Variants in UBE3D observed in about 807,000 individuals in gnomAD.
The protein encoded by UBE3D is ubiquitin protein ligase E3D.
A neutral mutation model predicts 49.6 loss-of-function variants in UBE3D; 48 were observed. The ratio of observed to expected loss-of-function variants is 0.97; its 90% CI spans 0.77 to 1.23. The LOEUF is 1.23. Ranked by LOEUF, UBE3D falls within the 50% of genes most tolerant of loss-of-function variation. The pLI is 0.00. For missense variants in UBE3D, 452 were observed against 468.4 expected (o/e 0.96, Z 0.32); for synonymous variants, 189 against 174.2 (o/e 1.08, Z -0.67).
chr6:83,019,324 T>C (rs1273016434), intron 7 of UBE3D, among the ~76,000 whole-genome samples, 188 bp from the exon 8 acceptor site: 7 of 130,134 alleles, frequency 5.4e-5, no homozygotes, highest in Non-Finnish European at 1.0e-4. Context: ...GACATAAAGT[T>C]AAAAAAAAAA....
Position 82,957,392 on chromosome 6 carries a change from T to A in UBE3D, c.1069A>T (p.Thr357Ser). 1 of 1,614,102 alleles carries A rather than the reference T, an allele frequency of 6.2e-7. No individual in the cohort carries two copies. The highest frequency in any genetic ancestry group is 8.5e-7 in the Non-Finnish European group (1 of 1,180,006). ...AATATCAACAGCAGCTCCAAGCAGG[T>A]TGCAGAGGGCAGGGTTAGCGGGTGG... ...SVHPLTLPSA[T>S]CLELLLILSK... Residue 357 changes from threonine to serine, a missense_variant, in exon 9 of 10, where the codon ACC becomes TCC. Physicochemically the swap from Thr to Ser is moderately conservative, Grantham distance 58. Coordinates refer to ENST00000369747, the MANE Select transcript of UBE3D (RefSeq NM_198920.3).
intron 9 of UBE3D, among the ~76,000 whole-genome samples, chr6:82,923,738 G>GGAA (rs1481295855): frequency 6.6e-6 from 1 of 151,926 alleles, no homozygotes; most frequent in Non-Finnish European, 1.5e-5. Context: ...AAATAAAAGA[G>GGAA]GAACATCTGT....
chr6:83,056,066 C>T (rs1582765249), intron 2 of UBE3D, among the ~76,000 whole-genome samples: 1 of 152,076 alleles, frequency 6.6e-6, no homozygotes, highest in South Asian at 2.1e-4. Flanking sequence ...AAATAGGAGA[C>T]CAGTGAACAC....
the UBE3D span, among the ~76,000 whole-genome samples, chr6:82,885,514 G>A: frequency 6.6e-6 from 1 of 152,094 alleles, no homozygotes. Context: ...TGAGACAAAT[G>A]CTATTTTTTT....
At chr6:82,992,323 A>G (rs1778949781) in intron 8 of UBE3D, among the ~76,000 whole-genome samples, 1 of 150,508 alleles carries the variant, frequency 6.6e-6, no homozygotes, top group South Asian at 2.1e-4. Context: ...CCTGGGTTCA[A>G]GCAATTCTCC....
intron 9 of UBE3D, among the ~76,000 whole-genome samples, chr6:82,895,210 C>A (rs1771227503): frequency 1.3e-5 from 2 of 152,094 alleles, no homozygotes; most frequent in Non-Finnish European, 2.9e-5. Flanking sequence ...ACTTGGGAGG[C>A]TGAGGCATGA....
intron 8 of UBE3D, among the ~76,000 whole-genome samples, chr6:83,002,731 C>T (rs377338844): frequency 6.6e-6 from 1 of 152,290 alleles, no homozygotes; most frequent in African/African-American, 2.4e-5. Flanking sequence ...GCCCTTTTGG[C>T]CTTCCATCCC....
At position 83,038,485 on chromosome 6, in the gene UBE3D, C is replaced by A; in HGVS notation, c.598G>T (p.Glu200Ter). The change falls in exon 5 of 10, where the codon GAA becomes TAA. Residue 200 changes from glutamate to a stop codon, truncating the protein, a stop_gained and splice_region_variant. Transcript: ENST00000369747. LOFTEE classifies it high-confidence loss of function. ...CVSSDNHCKL[E>*]PKANTKVICK... ...ATTACTTTGGTATTTGCCTTTGGTT[C>A]CTGTAGAACAGAAAAATGTCATTTA... 6.2e-7 allele frequency: 1 copy of A among 1,603,202 alleles called. No individual in the cohort carries two copies. Among genetic ancestry groups the A allele is most frequent in the South Asian group, 1.1e-5 (1 of 87,822 alleles).
At chr6:82,899,083 G>A (rs1033717949) in intron 9 of UBE3D, among the ~76,000 whole-genome samples, 1 of 152,042 alleles carries the variant, frequency 6.6e-6, no homozygotes, top group Non-Finnish European at 1.5e-5. Context: ...CATTATGAAA[G>A]CAAGAGAGCC....
intron 9 of UBE3D, among the ~76,000 whole-genome samples, chr6:82,952,017 A>C (rs1255131700): frequency 6.6e-6 from 1 of 152,192 alleles, no homozygotes; most frequent in East Asian, 1.9e-4. Flanking sequence ...CCCTGCTATC[A>C]AGTACATTTG....
chr6:82,996,486 A>G (rs1779250228), intron 8 of UBE3D, among the ~76,000 whole-genome samples: 1 of 152,200 alleles, frequency 6.6e-6, no homozygotes, highest in Non-Finnish European at 1.5e-5. Context: ...AAATCTACAG[A>G]CAATACCTTC....
At position 82,987,166 on chromosome 6, in the gene UBE3D, T is replaced by A. The variant is rs1279022567; in HGVS notation, c.1011-29716A>T. ...AAAATTTGCATAGAGTGGGTCTTGC[T>A]ATGTTTTCTTTCTTTTTTTATTGTT... On this transcript the variant is annotated intron_variant, in intron 8 of 9. Coordinates refer to ENST00000369747, the MANE Select transcript of UBE3D (RefSeq NM_198920.3). 2.0e-5 allele frequency among the ~76,000 whole-genome samples: 3 copies of A among 152,104 alleles called. No individual in the cohort carries two copies. In the South Asian group the frequency reaches 6.2e-4, roughly 31 times the overall value.
intron 8 of UBE3D, among the ~76,000 whole-genome samples, chr6:82,972,841 A>G (rs376371892): frequency 2.0e-5 from 3 of 152,190 alleles, no homozygotes; most frequent in African/African-American, 4.8e-5. Context: ...AAAAAGAAAT[A>G]CATGTCTAGT....
intron 2 of UBE3D, among the ~76,000 whole-genome samples, chr6:83,056,769 C>A (rs1193058817): frequency 1.3e-5 from 2 of 152,070 alleles, no homozygotes; most frequent in Non-Finnish European, 2.9e-5. Flanking sequence ...AAACACTCCT[C>A]CTGACCCCAT....
chr6:83,047,431 G>A (rs1263244725), intron 3 of UBE3D, among the ~76,000 whole-genome samples: 1 of 152,202 alleles, frequency 6.6e-6, no homozygotes, highest in Admixed American at 6.5e-5. Flanking sequence ...GCTGCTTAAG[G>A]CAGGAGGCTT....
intron 9 of UBE3D, among the ~76,000 whole-genome samples, chr6:82,956,900 C>T (rs1410227812): frequency 2.0e-5 from 3 of 152,020 alleles, no homozygotes; most frequent in Admixed American, 6.6e-5. Context: ...GGCTGAGGCA[C>T]GCAGATTGCC....
At chr6:82,911,196 CAAAAAAAAAAAAAAAA>C (rs1156620624) in intron 9 of UBE3D, among the ~76,000 whole-genome samples, 2 of 39,340 alleles carry the variant, frequency 5.1e-5, no homozygotes, top group African/African-American at 1.9e-4. Flanking sequence ...AACATTTTGG[CAAAAAAAAAAAAAAAA>C]AAAAAAAAAA....
downstream of UBE3D, among the ~76,000 whole-genome samples, chr6:82,887,795 GA>G (rs1156852531): frequency 2.6e-5 from 4 of 152,076 alleles, no homozygotes; most frequent in Non-Finnish European, 5.9e-5. Context: ...TAAAACTAAT[GA>G]TGACTAATTT....
At chr6:82,954,085 G>A (rs906112808) in intron 9 of UBE3D, among the ~76,000 whole-genome samples, 2 of 152,242 alleles carry the variant, frequency 1.3e-5, no homozygotes, top group Non-Finnish European at 2.9e-5. Flanking sequence ...AGGTCAGAAA[G>A]GGAGGCAGGG....
Sources: gnomAD v4.1 joint callset for allele counts (sites outside exome capture counted in the v4.1 genomes callset) on GRCh38, gnomAD v4.1.1 for gene constraint, MANE v1.5 for transcripts, NCBI Gene and HGNC (gene_info 2026-07-23, HGNC 2026-07-21) for gene names.